CNR1: variants seen among roughly 807,000 people sequenced by gnomAD.
CNR1 encodes cannabinoid receptor 1 (brain).
CNR1 carries 10 observed loss-of-function variants against 23.0 expected under a neutral mutation model. That is an observed-to-expected ratio of 0.43 (90% CI 0.27 to 0.74). CNR1 has a LOEUF of 0.74. CNR1 is among the 30% of genes least tolerant of loss of function. The pLI is 0.19. For synonymous variants in CNR1, 271 were observed against 255.2 expected, an observed-to-expected ratio of 1.06 and a Z score of -0.59; for missense variants, 422 against 618.8, an observed-to-expected ratio of 0.68 and a Z score of 3.37.
At chr6:88,145,900 G>T (rs1352048208) in intron 1 of CNR1, among the ~76,000 whole-genome samples, 1 of 152,208 alleles carries the variant, frequency 6.6e-6, no homozygotes, top group Non-Finnish European at 1.5e-5. Flanking sequence ...TGTAGCGGGG[G>T]AGGAGGGAGC....
chr6:88,147,491 G>C (rs1777266329), intron 1 of CNR1, among the ~76,000 whole-genome samples: 1 of 152,202 alleles, frequency 6.6e-6, no homozygotes, highest in Admixed American at 6.5e-5. Context: ...GCTAAGAATA[G>C]GTAGCATCAC....
chr6:88,152,228 A>AG (rs888509791), intron 1 of CNR1, among the ~76,000 whole-genome samples: 1 of 151,832 alleles, frequency 6.6e-6, no homozygotes, highest in African/African-American at 2.4e-5. Flanking sequence ...AAAAAAAAAA[A>AG]AAAAAAAAGA....
At chr6:88,145,561 C>G (rs1777137546) in intron 1 of CNR1, among the ~76,000 whole-genome samples, 1 of 152,206 alleles carries the variant, frequency 6.6e-6, no homozygotes, top group East Asian at 1.9e-4. Context: ...AAATGTATCA[C>G]CTTTTCATTA....
At chr6:88,163,416 A>G (rs1193626746) in intron 1 of CNR1, among the ~76,000 whole-genome samples, 1 of 152,254 alleles carries the variant, frequency 6.6e-6, no homozygotes, top group Non-Finnish European at 1.5e-5. Context: ...ATAAACTGCT[A>G]TTAGAAGTTC....
chr6:88,162,428 A>G lies in CNR1; in HGVS notation c.-64+3375T>C, dbSNP rs558399061. 1.4e-4 allele frequency among the ~76,000 whole-genome samples: 22 copies of G among 152,312 alleles called. No homozygotes were observed. In the South Asian group the frequency reaches 4.3e-3, roughly 30 times the overall value. ...TCTGGGTGAAGTTACTGTTTCTTTT[A>G]ATCCAGGAAACATTTTGGAGAAATC... On this transcript the variant is annotated intron_variant, in intron 1 of 1. Transcript: ENST00000369501.
At chr6:88,167,281 T>C (rs1406915706), upstream of CNR1, among the ~76,000 whole-genome samples, 2 of 152,136 alleles carry the variant, frequency 1.3e-5, no homozygotes, top group Non-Finnish European at 2.9e-5. Context: ...GGAGCCGCGG[T>C]GTGCTCAGCA....
chr6:88,150,876 A>G (rs1324681366), intron 1 of CNR1, among the ~76,000 whole-genome samples: 1 of 152,228 alleles, frequency 6.6e-6, no homozygotes, highest in African/African-American at 2.4e-5. Flanking sequence ...TGCAAGGAGC[A>G]AGAGTTGACT....
chr6:88,155,841 AAGT>A (rs757598955), intron 1 of CNR1, among the ~76,000 whole-genome samples: 6 of 152,194 alleles, frequency 3.9e-5, no homozygotes, highest in Non-Finnish European at 7.3e-5. Flanking sequence ...ACTATTTTGT[AAGT>A]AAGGGAAGGT....
chr6:88,150,176 T>C (rs1232654436), intron 1 of CNR1, among the ~76,000 whole-genome samples: 2 of 152,202 alleles, frequency 1.3e-5, no homozygotes, highest in South Asian at 2.1e-4. Flanking sequence ...CCTTATGCCA[T>C]CTTCCCTCAA....
intron 1 of CNR1, among the ~76,000 whole-genome samples, chr6:88,162,350 T>C (rs1485397527): frequency 6.6e-6 from 1 of 152,250 alleles, no homozygotes; most frequent in Non-Finnish European, 1.5e-5. Flanking sequence ...AGTGTGTTTC[T>C]ATGTCCAGGT....
intron 1 of CNR1, among the ~76,000 whole-genome samples, chr6:88,146,390 G>T (rs1777187058): frequency 6.6e-6 from 1 of 152,174 alleles, no homozygotes. Context: ...ACAGGTGTGA[G>T]CCACTGTGCC....
At chr6:88,148,980 C>T (rs1777367796) in intron 1 of CNR1, among the ~76,000 whole-genome samples, 1 of 152,116 alleles carries the variant, frequency 6.6e-6, no homozygotes, top group Non-Finnish European at 1.5e-5. Context: ...TTAGTCTGGG[C>T]TTCTGAACCA....
At chr6:88,151,264 C>T (rs1425561426) in intron 1 of CNR1, among the ~76,000 whole-genome samples, 2 of 152,208 alleles carry the variant, frequency 1.3e-5, no homozygotes, top group African/African-American at 4.8e-5. Flanking sequence ...TGGTTAGTAG[C>T]TACTATACTG....
chr6:88,166,524 G>A (rs1778377271), upstream of CNR1, among the ~76,000 whole-genome samples: 1 of 152,048 alleles, frequency 6.6e-6, no homozygotes, highest in African/African-American at 2.4e-5. Flanking sequence ...ACCCGCCGCG[G>A]CGCCAGCCCT....
rs1016701110 is a variant in CNR1, at chr6:88,156,497, A to T, written c.-64+9306T>A. 2.0e-5 allele frequency among the ~76,000 whole-genome samples: 3 copies of T among 152,170 alleles called. No individual in the cohort carries two copies. In the South Asian group the frequency reaches 6.2e-4, roughly 31 times the overall value. On this transcript the variant is annotated intron_variant, in intron 1 of 1. Transcript: ENST00000369501. ...TTCCTTTTCCTAGTTGAAAGAGTAG[A>T]ATAGGTTATAAAAACATATAAAGGG...
rs567469368 is a variant in CNR1 at position 88,149,297 on chromosome 6, G to A, written c.-63-3960C>T. Among the ~76,000 whole-genome samples the A allele has an allele frequency of 6.6e-5, 10 of 152,214 alleles. No homozygotes were observed. In the East Asian group the frequency reaches 1.2e-3, roughly 18 times the overall value. The stretch of plus-strand genomic sequence containing the variant: ...CAGCCTGGCTCCAATGTTAACTCTC[G>A]AGTATCCTTAGTATCCTTAGGTTCC... On this transcript the variant is annotated intron_variant, in intron 1 of 1. Coordinates refer to ENST00000369501, the MANE Select transcript of CNR1 (RefSeq NM_016083.6).
At chr6:88,153,805 T>C (rs978248157) in intron 1 of CNR1, among the ~76,000 whole-genome samples, 2 of 152,246 alleles carry the variant, frequency 1.3e-5, no homozygotes, top group African/African-American at 4.8e-5. Context: ...AGTCATGCTG[T>C]CAATATACAC....
In CNR1 at chr6:88,142,794, G is replaced by C. The variant is rs182482619; in HGVS notation, c.*1062C>G. 134 of 152,600 alleles carry C rather than the reference G, an allele frequency of 8.8e-4. No homozygotes were observed. The highest frequency in any genetic ancestry group is 3.1e-3 in the African/African-American group (130 of 41,528). The allele number at this position is 152,600 out of a possible 1,614,324, so 9.5% of individuals were successfully genotyped here. ...ACATTTATATTCACACTCACACACA[G>C]TATAATTTTACTGATCCAGACACTA... is the stretch of plus-strand genomic sequence containing the variant. On this transcript the variant is annotated 3_prime_UTR_variant, in exon 2 of 2. Transcript: ENST00000369501.
chr6:88,157,675 G>GT (rs1482340246), intron 1 of CNR1, among the ~76,000 whole-genome samples: 1 of 152,164 alleles, frequency 6.6e-6, no homozygotes, highest in Admixed American at 6.5e-5. Context: ...GATGTTAAAA[G>GT]TAAGAGGGGT....
Sources: gnomAD v4.1 joint callset for allele counts (sites outside exome capture counted in the v4.1 genomes callset) on GRCh38, gnomAD v4.1.1 for gene constraint, MANE v1.5 for transcripts, NCBI Gene and HGNC (gene_info 2026-07-23, HGNC 2026-07-21) for gene names.